The following GNA13 variants were observed in gnomAD, a reference collection of about 807,000 sequenced individuals.
The protein encoded by GNA13 is G protein subunit alpha 13.
GNA13 carries 4 observed loss-of-function variants against 33.5 expected under a neutral mutation model. That is an observed-to-expected ratio of 0.12 (90% CI 0.06 to 0.27). The LOEUF is 0.27. Among genes scored for constraint, GNA13 ranks in the 10% least tolerant of loss-of-function variants. The probability of loss-of-function intolerance (pLI) is 1.00; values close to 1 mark genes in which losing one functional copy is unlikely to be tolerated. For synonymous variants in GNA13, 176 were observed against 183.8 expected (o/e 0.96, Z 0.34); for missense variants, 319 against 487.2 (o/e 0.65, Z 3.25).
In GNA13 at chr17:65,012,163, T is replaced by C. The variant is rs888954207; in HGVS notation, c.*2094A>G. ...TTCAAAAGGGGGAAACTTGGTGATT[T>C]CTGCTTTGTCAGGCAATATCTATGG... On this transcript the variant is annotated 3_prime_UTR_variant, in exon 4 of 4. Coordinates refer to ENST00000439174, the MANE Select transcript of GNA13 (RefSeq NM_006572.6). 2 of 222,820 alleles carry C rather than the reference T, an allele frequency of 9.0e-6. No individual in the cohort carries two copies. Among genetic ancestry groups the C allele is most frequent in the African/African-American group, 2.2e-5 (1 of 44,808 alleles). 13.8% of individuals were successfully genotyped at this position (222,820 alleles called of 1,614,324 possible).
At chr17:65,023,682 T>C (rs1464050385) in intron 2 of GNA13, among the ~76,000 whole-genome samples, 3 of 152,194 alleles carry the variant, frequency 2.0e-5, no homozygotes, top group Non-Finnish European at 4.4e-5. Flanking sequence ...TGTCAAAAGT[T>C]AAAACAAAAA....
In GNA13 at chr17:65,014,608, C is replaced by T; in HGVS notation, c.783G>A (p.Leu261=). 1 of 1,613,980 alleles carries T rather than the reference C, an allele frequency of 6.2e-7. No individual in the cohort carries two copies. The highest frequency in any genetic ancestry group is 1.7e-4 in the Middle Eastern group (1 of 6,060). ...TCAGAGACTCTGTAAGGCGATTGGT[C>T]AGTCGATCTTCCATAAGCACCTGGT... ...EFDQVLMEDR[L]TNRLTESLNI... The change falls in exon 4 of 4, where the codon CTG becomes CTA. Residue 261 remains leucine (L), a synonymous_variant. Transcript: ENST00000439174. This position sits in a 1 kb window ranked among gnomAD's most constrained non-coding sequence, Gnocchi z 5.3.
chr17:65,056,053 T>A (rs1908040913), intron 1 of GNA13, among the ~76,000 whole-genome samples: 1 of 149,420 alleles, frequency 6.7e-6, no homozygotes, highest in Non-Finnish European at 1.5e-5. Flanking sequence ...CGGTGGGGGG[T>A]GGGGGAATGG....
intron 1 of GNA13, among the ~76,000 whole-genome samples, chr17:65,055,072 CG>C (rs1217740924): frequency 3.1e-5 from 1 of 32,324 alleles, no homozygotes. Context: ...GGGGAGGGGG[CG>C]GGGGGGTGAC....
At chr17:65,055,784 C>T (rs1908028599) in intron 1 of GNA13, 1 of 985,022 alleles carries the variant, frequency 1.0e-6, no homozygotes, top group Admixed American at 6.1e-5. Context: ...TGCGACGGTT[C>T]CAGAACTCGC....
intron 2 of GNA13, among the ~76,000 whole-genome samples, chr17:65,027,859 C>T (rs758264879): frequency 8.5e-5 from 13 of 152,096 alleles, no homozygotes; most frequent in Middle Eastern, 3.2e-3. Flanking sequence ...AATCCCAGCA[C>T]TTTGAGAGGT....
Position 65,011,483 on chromosome 17 carries a change from G to A in GNA13, c.*2774C>T, listed in dbSNP as rs1906187254. 5.0e-6 allele frequency: 1 copy of A among 199,364 alleles called. No homozygotes were observed. The highest frequency in any genetic ancestry group is 1.0e-5 in the Non-Finnish European group (1 of 96,408). The allele number at this position is 199,364 out of a possible 1,614,324, so 12.3% of individuals were successfully genotyped here. ...TATTAAAAATATTAAAGGGGCAGAG[G>A]CATGCTTTGAATTACTCAGATTTTC... is the stretch of plus-strand genomic sequence containing the variant. On this transcript the variant is annotated 3_prime_UTR_variant, in exon 4 of 4. Transcript: ENST00000439174.
At chr17:65,049,620 G>A (rs189804858) in intron 2 of GNA13, among the ~76,000 whole-genome samples, 5 of 152,106 alleles carry the variant, frequency 3.3e-5, no homozygotes, top group African/African-American at 1.2e-4. Flanking sequence ...CAAAGGACAC[G>A]GAGATCTCCA....
rs1906093365 is a variant in GNA13 at position 65,009,353 on chromosome 17, A to C, written c.*4904T>G. 6.6e-6 allele frequency among the ~76,000 whole-genome samples: 1 copy of C among 152,248 alleles called. No individual in the cohort carries two copies. The highest frequency in any genetic ancestry group is 6.5e-5 in the Admixed American group (1 of 15,288). Reference sequence around the variant, plus strand: ...TTACAAAGCAAATATTAATAGCAAGAGGCAAATGTTTTGCAAAATATGTAC... The same window carrying C: ...TTACAAAGCAAATATTAATAGCAAGCGGCAAATGTTTTGCAAAATATGTAC... On this transcript the variant is annotated 3_prime_UTR_variant, in exon 4 of 4. Transcript: ENST00000439174.
In GNA13 at chr17:65,022,182, C is replaced by T. The variant is rs141056457; in HGVS notation, c.511-3879G>A. ...TGATATGAAATTCGAACTTCAACAT[C>T]CATAAATAAAAATGCACTGGAACAC... On this transcript the variant is annotated intron_variant, in intron 2 of 3. Coordinates refer to ENST00000439174, the MANE Select transcript of GNA13 (RefSeq NM_006572.6). Among the ~76,000 whole-genome samples, 511 of 152,212 alleles carry T rather than the reference C, an allele frequency of 3.4e-3. 2 individuals are homozygous for T. Among genetic ancestry groups the T allele is most frequent in the Non-Finnish European group, 3.5e-3 (237 of 68,012 alleles).
rs1288197021 is a variant in GNA13, at chr17:65,010,293, G to A, written c.*3964C>T. The stretch of plus-strand genomic sequence containing the variant: ...TATCTACTTGATGGAACTTGAAAAA[G>A]CCATAAAGTCCAACTTGTTTAAAAT... On this transcript the variant is annotated 3_prime_UTR_variant, in exon 4 of 4. Transcript: ENST00000439174. Among the ~76,000 whole-genome samples the A allele has an allele frequency of 1.3e-5, 2 of 151,872 alleles. No homozygotes were observed. The highest frequency in any genetic ancestry group is 2.9e-5 in the Non-Finnish European group (2 of 67,968).
chr17:65,051,733 A>C (rs1200612547), intron 2 of GNA13, among the ~76,000 whole-genome samples: 1 of 152,212 alleles, frequency 6.6e-6, no homozygotes, highest in Non-Finnish European at 1.5e-5. Context: ...GACAAAACTA[A>C]CCAGAAATCT....
chr17:65,056,682 AGGGCGGGGAGCGCGGCGGCGGC>A lies in GNA13; in HGVS notation c.-111_-90del. 4 of 908,184 alleles carry A rather than the reference AGGGCGGGGAGCGCGGCGGCGGC, an allele frequency of 4.4e-6. No homozygotes were observed. The highest frequency in any genetic ancestry group is 5.7e-6 in the Non-Finnish European group (4 of 702,174). 56.3% of individuals were successfully genotyped at this position (908,184 alleles called of 1,614,324 possible). On this transcript the variant is annotated 5_prime_UTR_variant, in exon 1 of 4. Coordinates refer to ENST00000439174, the MANE Select transcript of GNA13 (RefSeq NM_006572.6). Reference sequence around the variant, plus strand: ...CGGGCGGCTCCGGCACCGAGGCTCGAGGGCGGGGAGCGCGGCGGCGGCCCGAGCGCGCCCAGGGAGGGAGGGA... The same window carrying A: ...CGGGCGGCTCCGGCACCGAGGCTCGACCGAGCGCGCCCAGGGAGGGAGGGA...
intron 2 of GNA13, among the ~76,000 whole-genome samples, chr17:65,035,781 ATTT>A (rs367585696): frequency 1.4e-5 from 2 of 146,788 alleles, no homozygotes; most frequent in Non-Finnish European, 1.5e-5. Context: ...TTCGTTGTTA[ATTT>A]TTTTTTTTTT....
chr17:65,050,211 A>C (rs1907813712), intron 2 of GNA13, among the ~76,000 whole-genome samples: 1 of 152,152 alleles, frequency 6.6e-6, no homozygotes, highest in African/African-American at 2.4e-5. Context: ...AGAGGAAAGG[A>C]GGGAATGAAT....
chr17:65,021,396 T>C (rs1906578645), intron 2 of GNA13, among the ~76,000 whole-genome samples: 1 of 152,230 alleles, frequency 6.6e-6, no homozygotes, highest in South Asian at 2.1e-4. Context: ...TAAACATCCT[T>C]TGCTTGTAAA....
chr17:65,031,921 A>AGAGTGTGTGT (rs770161529), intron 2 of GNA13, among the ~76,000 whole-genome samples: 126 of 91,664 alleles, frequency 1.4e-3, no homozygotes, highest in African/African-American at 4.7e-3. Context: ...AGAGAGAGAG[A>AGAGTGTGTGT]GTGTGTGTGT....
rs773359531 is a variant in GNA13 at position 65,012,009 on chromosome 17, T to TGC, written c.*2246_*2247dup. 1.3e-5 allele frequency: 3 copies of TGC among 228,026 alleles called. No individual in the cohort carries two copies. Among genetic ancestry groups the TGC allele is most frequent in the African/African-American group, 2.2e-5 (1 of 45,082 alleles). 14.1% of individuals were successfully genotyped at this position (228,026 alleles called of 1,614,324 possible). A position where few individuals can be genotyped will look rare whatever the true frequency, so the allele number is the denominator to read the frequency against. On this transcript the variant is annotated 3_prime_UTR_variant, in exon 4 of 4. Transcript: ENST00000439174. ...CCTAAGTTGAATATAAGTAATTCATTGCCTCAAAATATAGTCTAGATTTTA... is the reference window on the plus strand; with the variant it reads ...CCTAAGTTGAATATAAGTAATTCATTGCGCCTCAAAATATAGTCTAGATTTTA...
At position 65,009,816 on chromosome 17, in the gene GNA13, CCTTT is replaced by C. The variant is rs1225416954; in HGVS notation, c.*4437_*4440del. Among the ~76,000 whole-genome samples the C allele has an allele frequency of 6.6e-6, 1 of 152,110 alleles. No individual in the cohort carries two copies. The highest frequency in any genetic ancestry group is 6.6e-5 in the Admixed American group (1 of 15,260). ...TACTGTGCAAGAATTAATCTCTACCCCTTTCTTTCCTAGTACCATCAAACAGGCA... is the reference window on the plus strand; with the variant it reads ...TACTGTGCAAGAATTAATCTCTACCCCTTTCCTAGTACCATCAAACAGGCA... On this transcript the variant is annotated 3_prime_UTR_variant, in exon 4 of 4. Coordinates refer to ENST00000439174, the MANE Select transcript of GNA13 (RefSeq NM_006572.6).
Sources: allele counts gnomAD v4.1 joint callset (sites outside exome capture counted in the v4.1 genomes callset), GRCh38; gene constraint gnomAD v4.1.1; non-coding constraint Gnocchi (gnomAD v3.1); transcripts MANE v1.5; gene names NCBI Gene and HGNC (gene_info 2026-07-23, HGNC 2026-07-21).